RGS6: variants seen among roughly 807,000 people sequenced by gnomAD.
The protein encoded by RGS6 is regulator of G-protein signaling 6.
RGS6 carries 30 observed loss-of-function variants against 78.5 expected under a neutral mutation model. The ratio of observed to expected loss-of-function variants is 0.38; its 90% CI spans 0.29 to 0.52. The LOEUF (loss-of-function observed/expected upper bound fraction) is 0.52, where lower values mean the gene tolerates loss of function less well. RGS6 is among the 20% of genes least tolerant of loss of function. The pLI, the probability that RGS6 is intolerant of heterozygous loss-of-function variation, is 0.85. For synonymous variants in RGS6, 206 were observed against 206.0 expected (o/e 1.00, Z 0.00); for missense variants, 495 against 609.7 (o/e 0.81, Z 1.98).
intron 2 of RGS6, among the ~76,000 whole-genome samples, chr14:72,255,288 A>G (rs1447545884): frequency 1.3e-5 from 2 of 152,176 alleles, no homozygotes; most frequent in African/African-American, 2.4e-5. Flanking sequence ...CTAGGGTGCA[A>G]GAGCCACTTA....
At chr14:72,524,068 G>C (rs78319001) in intron 15 of RGS6, among the ~76,000 whole-genome samples, 2,112 of 152,214 alleles carry the variant, frequency 0.014, 46 homozygotes, top group East Asian at 0.076. Context: ...CTTTGAAAAA[G>C]TAAAAAGTGC....
chr14:72,457,084 T>TAAAAAAAAAAAAAAAA (rs747066432), intron 4 of RGS6, among the ~76,000 whole-genome samples: 1 of 82,132 alleles, frequency 1.2e-5, no homozygotes, highest in Non-Finnish European at 2.3e-5. Context: ...GACCTGTCTC[T>TAAAAAAAAAAAAAAAA]AAAAAAAAAA....
At chr14:72,090,944 A>G (rs2095248918) in intron 2 of RGS6, among the ~76,000 whole-genome samples, 1 of 152,160 alleles carries the variant, frequency 6.6e-6, no homozygotes, top group African/African-American at 2.4e-5. Context: ...CTGGGACTGA[A>G]GTCTTGCTCC....
At chr14:71,981,399 G>A (rs904663444) in intron 2 of RGS6, among the ~76,000 whole-genome samples, 3 of 152,300 alleles carry the variant, frequency 2.0e-5, no homozygotes, top group Middle Eastern at 3.4e-3. Flanking sequence ...GGTTTTATCT[G>A]CTTTTGGTGT....
chr14:72,097,226 C>G (rs971358352), intron 2 of RGS6, among the ~76,000 whole-genome samples: 12 of 152,188 alleles, frequency 7.9e-5, no homozygotes, highest in Admixed American at 6.5e-4. Flanking sequence ...AAGCTCAAAT[C>G]AAAACCAACA....
At chr14:72,142,985 C>T (rs1265956516) in intron 2 of RGS6, among the ~76,000 whole-genome samples, 2 of 152,112 alleles carry the variant, frequency 1.3e-5, no homozygotes, top group Non-Finnish European at 2.9e-5. Context: ...TTACTGATAT[C>T]AGTGGCCATT....
chr14:71,937,111 G>C (rs1276235134), intron 1 of RGS6, among the ~76,000 whole-genome samples: 2 of 152,186 alleles, frequency 1.3e-5, no homozygotes, highest in Admixed American at 6.5e-5. Flanking sequence ...CTCTGCTGTG[G>C]AGTAGTAGAC....
At chr14:72,421,504 A>C (rs893563281) in intron 3 of RGS6, 10 of 152,226 alleles carry the variant, frequency 6.6e-5, no homozygotes, top group Admixed American at 3.3e-4. Flanking sequence ...TCCCCACCCC[A>C]GGCTGACCTA....
intron 2 of RGS6, among the ~76,000 whole-genome samples, chr14:72,320,616 C>T (rs1272874343): frequency 6.6e-6 from 1 of 151,006 alleles, no homozygotes; most frequent in Admixed American, 6.6e-5. Flanking sequence ...AAATAAAAAA[C>T]TATTAAAGAC....
intron 9 of RGS6, 118 bp downstream of exon 9, chr14:72,473,071 C>A: frequency 1.6e-6 from 1 of 635,312 alleles, no homozygotes; most frequent in Non-Finnish European, 2.7e-6. Flanking sequence ...AATCGCTCAG[C>A]TTTGTGGAAC....
intron 8 of RGS6, among the ~76,000 whole-genome samples, chr14:72,471,219 T>C (rs1231938921): frequency 6.6e-6 from 1 of 152,074 alleles, no homozygotes; most frequent in Non-Finnish European, 1.5e-5. Flanking sequence ...TTTTCCCAGA[T>C]TTTTTTCTCC....
intron 2 of RGS6, among the ~76,000 whole-genome samples, chr14:72,048,897 G>T (rs2093047208): frequency 6.6e-6 from 1 of 151,906 alleles, no homozygotes; most frequent in South Asian, 2.1e-4. Flanking sequence ...GATGAGTTTT[G>T]GCCCCATTCA....
chr14:72,341,478 T>TATCAA (rs1302971504), intron 2 of RGS6, among the ~76,000 whole-genome samples: 57 of 152,194 alleles, frequency 3.7e-4, no homozygotes, highest in African/African-American at 1.3e-3. Flanking sequence ...AGTACTGGAA[T>TATCAA]ATCAAGTTTC....
At chr14:71,948,735 TCTC>T (rs1374056402) in intron 1 of RGS6, among the ~76,000 whole-genome samples, 13 of 59,786 alleles carry the variant, frequency 2.2e-4, no homozygotes, top group South Asian at 5.7e-4. Flanking sequence ...TTTCTCTCTC[TCTC>T]TCTTTTTTTT....
At chr14:72,218,702 C>G (rs893064701) in intron 2 of RGS6, among the ~76,000 whole-genome samples, 4 of 152,090 alleles carry the variant, frequency 2.6e-5, no homozygotes, top group African/African-American at 9.7e-5. Context: ...ACCTCTACCT[C>G]CTGGATTCAA....
At chr14:72,020,019 G>A (rs957042066) in intron 2 of RGS6, among the ~76,000 whole-genome samples, 1 of 152,180 alleles carries the variant, frequency 6.6e-6, no homozygotes, top group Non-Finnish European at 1.5e-5. Flanking sequence ...TTGAGAAGTG[G>A]CAAAACTTTG....
intron 2 of RGS6, among the ~76,000 whole-genome samples, chr14:72,194,575 T>G (rs1030585684): frequency 6.6e-6 from 1 of 152,172 alleles, no homozygotes; most frequent in Non-Finnish European, 1.5e-5. Context: ...TTGCCCAGGC[T>G]GATCTTGAAC....
At chr14:72,388,916 C>T (rs559032437) in intron 3 of RGS6, among the ~76,000 whole-genome samples, 1 of 152,216 alleles carries the variant, frequency 6.6e-6, no homozygotes, top group South Asian at 2.1e-4. Flanking sequence ...GTGTCTGCCC[C>T]ATAGTAAAAG....
At chr14:72,598,849 C>G in the RGS6 span, among the ~76,000 whole-genome samples, 83 of 152,220 alleles carry the variant, frequency 5.5e-4, 1 homozygote, top group Non-Finnish European at 8.5e-4. Flanking sequence ...TCTAGGACTT[C>G]GGTCTCCTCT....
Sources: gnomAD v4.1 joint callset for allele counts (sites outside exome capture counted in the v4.1 genomes callset) on GRCh38, gnomAD v4.1.1 for gene constraint, MANE v1.5 for transcripts, NCBI Gene and HGNC (gene_info 2026-07-23, HGNC 2026-07-21) for gene names.